UBL3: variants seen among roughly 807,000 people sequenced by gnomAD.
UBL3 encodes the protein ubiquitin-like protein 3.
UBL3 carries 6 observed loss-of-function variants against 18.4 expected under a neutral mutation model. The observed-to-expected ratio is 0.33, with a 90% CI of 0.18 to 0.64. The LOEUF (loss-of-function observed/expected upper bound fraction) is 0.64. UBL3 is among the 30% of genes least tolerant of loss of function. The probability of loss-of-function intolerance (pLI) is 0.76; values close to 1 mark genes in which losing one functional copy is unlikely to be tolerated. For missense variants in UBL3, 109 were observed against 142.9 expected (o/e 0.76, Z 1.21); for synonymous variants, 49 against 46.6 (o/e 1.05, Z -0.21).
At chr13:29,797,318 T>TCACTAA (rs1877640214) in intron 1 of UBL3, among the ~76,000 whole-genome samples, 1 of 152,166 alleles carries the variant, frequency 6.6e-6, no homozygotes, top group Non-Finnish European at 1.5e-5. Flanking sequence ...GAAGCAGGCT[T>TCACTAA]AGTTAGTGAC....
chr13:29,787,325 A>C (rs938968944), intron 1 of UBL3, among the ~76,000 whole-genome samples: 1 of 152,200 alleles, frequency 6.6e-6, no homozygotes, highest in Non-Finnish European at 1.5e-5. Flanking sequence ...TATCATCATT[A>C]TATCCATCAT....
At position 29,812,192 on chromosome 13, in the gene UBL3, T is replaced by A. The variant is rs185748178; in HGVS notation, c.28-34929A>T. Among the ~76,000 whole-genome samples the A allele has an allele frequency of 2.0e-3, 297 of 152,204 alleles. 1 individual carries two copies. Among genetic ancestry groups the A allele is most frequent in the African/African-American group, 6.6e-3 (275 of 41,560 alleles). ...CAGTCTTACCATTATTTATTCCCCA[T>A]GTAAACCTTCCCTTTCAAATCAGCA... On this transcript the variant is annotated intron_variant, in intron 1 of 4. Coordinates refer to ENST00000380680, the MANE Select transcript of UBL3 (RefSeq NM_007106.4).
intron 1 of UBL3, among the ~76,000 whole-genome samples, chr13:29,788,068 T>C (rs1346591787): frequency 3.9e-5 from 6 of 152,174 alleles, no homozygotes; most frequent in Non-Finnish European, 8.8e-5. Flanking sequence ...TAGGCACCCG[T>C]TTTCTTTTGA....
chr13:29,780,885 A>C (rs1877136817), intron 1 of UBL3, among the ~76,000 whole-genome samples: 1 of 152,144 alleles, frequency 6.6e-6, no homozygotes, highest in African/African-American at 2.4e-5. Context: ...AATTAAATAA[A>C]AGTGCTAGCC....
At chr13:29,767,419 C>T in intron 4 of UBL3, 112 bp from the exon 5 acceptor site, 1 of 1,373,498 alleles carries the variant, frequency 7.3e-7, no homozygotes, top group East Asian at 2.4e-5. Context: ...AAAATGTTTG[C>T]ATTTTTCAAA....
intron 1 of UBL3, among the ~76,000 whole-genome samples, chr13:29,834,885 A>C (rs1196148001): frequency 2.0e-5 from 3 of 151,552 alleles, no homozygotes; most frequent in Non-Finnish European, 4.4e-5. Context: ...AATGAAATGA[A>C]GTTAATAGTA....
chr13:29,827,609 C>A (rs546633340), intron 1 of UBL3, among the ~76,000 whole-genome samples: 1 of 152,308 alleles, frequency 6.6e-6, no homozygotes, highest in South Asian at 2.1e-4. Context: ...ATACAGCACA[C>A]TGATGGGTCT....
At chr13:29,811,974 C>CGG (rs995453526) in intron 1 of UBL3, among the ~76,000 whole-genome samples, 5 of 151,876 alleles carry the variant, frequency 3.3e-5, no homozygotes, top group Non-Finnish European at 5.9e-5. Flanking sequence ...TCCCTTACTC[C>CGG]GGCTCCATCT....
chr13:29,827,889 T>G, intron 1 of UBL3, among the ~76,000 whole-genome samples: 1 of 152,234 alleles, frequency 6.6e-6, no homozygotes, highest in Non-Finnish European at 1.5e-5. Context: ...TGACAAAATC[T>G]CTCAGCATTT....
chr13:29,809,985 A>AT (rs1392835171), intron 1 of UBL3, among the ~76,000 whole-genome samples: 2 of 151,708 alleles, frequency 1.3e-5, no homozygotes, highest in Admixed American at 6.6e-5. Context: ...ACTTTGTGAA[A>AT]TTTTTTTTTC....
chr13:29,803,594 CCAAG>C (rs1241992951), intron 1 of UBL3, among the ~76,000 whole-genome samples: 1 of 149,400 alleles, frequency 6.7e-6, no homozygotes, highest in African/African-American at 2.5e-5. Context: ...GAAAAATCTA[CCAAG>C]CAAATGGAAA....
At chr13:29,844,956 G>A (rs984151343) in intron 1 of UBL3, among the ~76,000 whole-genome samples, 1 of 151,900 alleles carries the variant, frequency 6.6e-6, no homozygotes. Flanking sequence ...TTTTCTGTAA[G>A]TAACGAAGAC....
Position 29,777,167 on chromosome 13 carries a change from T to C in UBL3, c.124A>G (p.Asn42Asp). The change falls in exon 2 of 5, where the codon AAT becomes GAT. Residue 42 changes from asparagine to aspartate, a missense_variant. By Grantham distance (23) the Asn-to-Asp change is conservative. Coordinates refer to ENST00000380680, the MANE Select transcript of UBL3 (RefSeq NM_007106.4). Reference sequence around the variant, plus strand: ...AAATATCACTCACCCATTGGCCAATTGTCATATACATGCTTTGCAATGTCA... The same window carrying C: ...AAATATCACTCACCCATTGGCCAATCGTCATATACATGCTTTGCAATGTCA... The part of the protein sequence containing the change: ...ASDIAKHVYD[N>D]WPMDWEEEQV... The C allele has an allele frequency of 6.3e-7, 1 of 1,592,948 alleles. No individual in the cohort carries two copies. Among genetic ancestry groups the C allele is most frequent in the Non-Finnish European group, 8.6e-7 (1 of 1,169,242 alleles).
At chr13:29,773,598 G>A (rs1876903356) in intron 2 of UBL3, among the ~76,000 whole-genome samples, 1 of 151,706 alleles carries the variant, frequency 6.6e-6, no homozygotes. Context: ...TTTTTGAGAT[G>A]CAGAAACCTG....
rs1359464345 is a variant in UBL3, at chr13:29,780,367, A to AAAAAAAAAAATATAT, written c.28-3105_28-3104insATATATTTTTTTTTT. 9.2e-4 allele frequency among the ~76,000 whole-genome samples: 95 copies of AAAAAAAAAAATATAT among 103,286 alleles called. 1 individual carries two copies. The highest frequency in any genetic ancestry group is 3.5e-3 in the African/African-American group (89 of 25,148). 67.8% of individuals were successfully genotyped at this position (103,286 alleles called of 152,430 possible). A position where few individuals can be genotyped will look rare whatever the true frequency, so the allele number is the denominator to read the frequency against. ...AGACTCTGTCTCAAAAAAAAAAAAA[A>AAAAAAAAAAATATAT]ATATATATATATATATATATATATG... is the stretch of plus-strand genomic sequence containing the variant. On this transcript the variant is annotated intron_variant, in intron 1 of 4. Transcript: ENST00000380680.
At chr13:29,841,000 T>C (rs1309632117) in intron 1 of UBL3, among the ~76,000 whole-genome samples, 2 of 152,170 alleles carry the variant, frequency 1.3e-5, no homozygotes, top group Non-Finnish European at 2.9e-5. Flanking sequence ...AATAGCAGGA[T>C]ACAAAAGCAA....
chr13:29,771,449 C>A (rs898276628), intron 3 of UBL3, among the ~76,000 whole-genome samples: 1 of 151,984 alleles, frequency 6.6e-6, no homozygotes, highest in Non-Finnish European at 1.5e-5. Context: ...TGCCAAGCAC[C>A]ATTTATGCAC....
chr13:29,770,871 ATC>A lies in UBL3; in HGVS notation c.223+1239_223+1240del, dbSNP rs1555231860. Reference sequence around the variant, plus strand: ...AAAGCTCCATTTTAAAGTGCCAGATATCTCTTAGTAGATAGCAGCATTTTTTA... The same window carrying A: ...AAAGCTCCATTTTAAAGTGCCAGATATCTTAGTAGATAGCAGCATTTTTTA... On this transcript the variant is annotated intron_variant, in intron 3 of 4. Coordinates refer to ENST00000380680, the MANE Select transcript of UBL3 (RefSeq NM_007106.4). Among the ~76,000 whole-genome samples the A allele has an allele frequency of 1.5e-4, 23 of 152,182 alleles. No individual in the cohort carries two copies. The East Asian group carries it at 4.2e-3, about 28-fold the overall frequency.
chr13:29,839,085 C>G (rs1879028862), intron 1 of UBL3, among the ~76,000 whole-genome samples: 1 of 152,162 alleles, frequency 6.6e-6, no homozygotes, highest in African/African-American at 2.4e-5. Context: ...AACATACAGA[C>G]AAATCCTCAC....
Sources: gnomAD v4.1 joint callset for allele counts (sites outside exome capture counted in the v4.1 genomes callset) on GRCh38, gnomAD v4.1.1 for gene constraint, MANE v1.5 for transcripts, NCBI Gene and HGNC (gene_info 2026-07-23, HGNC 2026-07-21) for gene names.